KCNT1: variants seen among roughly 807,000 people sequenced by gnomAD.
The protein encoded by KCNT1 is potassium channel subfamily T member 1.
Under a neutral mutation model 147.8 loss-of-function variants are expected in KCNT1, and 78 were observed. The observed-to-expected ratio is 0.53, with a 90% CI of 0.44 to 0.64. KCNT1 has a LOEUF of 0.64. KCNT1 is among the 30% of genes least tolerant of loss of function. KCNT1 has a pLI of 0.00. For synonymous variants in KCNT1, 867 were observed against 748.8 expected (o/e 1.16, Z -2.58); for missense variants, 1,419 against 1,750.3 (o/e 0.81, Z 3.38).
chr9:135,791,615 G>A (rs1434078425), intron 29 of KCNT1, 182 bp from the exon 30 acceptor site: 3 of 594,620 alleles, frequency 5.0e-6, no homozygotes, highest in Non-Finnish European at 9.0e-6. Flanking sequence ...GTGTGGAGAT[G>A]GGACAGGTGT....
intron 17 of KCNT1, 97 bp downstream of exon 17, chr9:135,770,544 C>A: frequency 1.4e-6 from 2 of 1,467,022 alleles, no homozygotes; most frequent in Non-Finnish European, 1.8e-6. Flanking sequence ...GGCCCTGGGG[C>A]GGGGCTGCAG....
intron 2 of KCNT1, among the ~76,000 whole-genome samples, chr9:135,735,768 C>T (rs983933612): frequency 2.0e-5 from 3 of 152,138 alleles, no homozygotes; most frequent in Non-Finnish European, 4.4e-5. Flanking sequence ...TGGACAAGTC[C>T]GGAGGGCTCT....
intron 2 of KCNT1, among the ~76,000 whole-genome samples, 185 bp from the exon 3 acceptor site, chr9:135,749,913 C>T (rs1417658104): frequency 6.6e-6 from 1 of 152,072 alleles, no homozygotes; most frequent in Non-Finnish European, 1.5e-5. Context: ...CGGCTGTCTG[C>T]TGGGTGTGAC....
chr9:135,724,836 C>T (rs938926019), intron 2 of KCNT1, among the ~76,000 whole-genome samples: 6 of 152,238 alleles, frequency 3.9e-5, no homozygotes, highest in Non-Finnish European at 5.9e-5. Flanking sequence ...GAGCTTCCTC[C>T]GCCCAGGCAG....
rs74839549 is a variant in KCNT1 at position 135,732,010 on chromosome 9, A to G, written c.254+17290A>G. On this transcript the variant is annotated intron_variant, in intron 2 of 30. Transcript: ENST00000371757. The stretch of plus-strand genomic sequence containing the variant: ...TATATATAGAGAGAGAGAGAGAGAG[A>G]GAGAGAGAGAGAGAGAGAGAGAGAG... Among the ~76,000 whole-genome samples, 935 of 96,728 alleles carry G rather than the reference A, an allele frequency of 9.7e-3. 44 individuals carry two copies. The highest frequency in any genetic ancestry group is 0.015 in the African/African-American group (410 of 26,522). The allele number at this position is 96,728 out of a possible 152,430, so 63.5% of individuals were successfully genotyped here. A position where few individuals can be genotyped will look rare whatever the true frequency, so the allele number is the denominator to read the frequency against.
chr9:135,759,852 C>T lies in KCNT1; in HGVS notation c.1028C>T (p.Pro343Leu). The T allele has an allele frequency of 6.2e-7, 1 of 1,603,946 alleles. No individual in the cohort carries two copies. The highest frequency in any genetic ancestry group is 8.5e-7 in the Non-Finnish European group (1 of 1,174,590). Residue 343 changes from proline (P) to leucine (L), a missense_variant, in exon 11 of 31, where the codon CCA (proline) becomes CTA (leucine). Around this residue, in one of 5 missense-constraint regions of KCNT1, gnomAD observed 401 missense variants for 610.6 expected, o/e 0.66. Transcript: ENST00000371757. ...IMICVALVVL[P>L]LQFEELVYLW... ...ATCTGCGTGGCCCTCGTGGTGCTCCCACTGCAGGTGGGTCCTCTGGGCACC... is the reference window on the plus strand; with the variant it reads ...ATCTGCGTGGCCCTCGTGGTGCTCCTACTGCAGGTGGGTCCTCTGGGCACC...
rs376736980 is a variant in KCNT1 at position 135,741,279 on chromosome 9, A to C, written c.255-8819A>C. Among the ~76,000 whole-genome samples, 25 of 152,280 alleles carry C rather than the reference A, an allele frequency of 1.6e-4. No homozygotes were observed. The East Asian group carries it at 4.6e-3, about 28-fold the overall frequency. On this transcript the variant is annotated intron_variant, in intron 2 of 30. Transcript: ENST00000371757. Reference sequence around the variant, plus strand: ...GAGATGCAGAGGGACGCGGCCAGGGAGCACCTGGGAGAGAGGACACAGTGG... The same window carrying C: ...GAGATGCAGAGGGACGCGGCCAGGGCGCACCTGGGAGAGAGGACACAGTGG...
intron 2 of KCNT1, among the ~76,000 whole-genome samples, chr9:135,738,106 T>A (rs546713104): frequency 2.9e-4 from 44 of 152,312 alleles, no homozygotes; most frequent in African/African-American, 1.0e-3. Flanking sequence ...GATAGCAGGT[T>A]CTGCCCAGGC....
intron 10 of KCNT1, 48 bp from the exon 11 acceptor site, chr9:135,759,631 C>A (rs982877497): frequency 6.5e-7 from 1 of 1,545,348 alleles, no homozygotes. Flanking sequence ...GGGCCACGGC[C>A]CCCCAGCTCC....
intron 15 of KCNT1, 57 bp from the exon 16 acceptor site, chr9:135,769,890 G>C (rs1832626702): frequency 2.3e-6 from 3 of 1,279,350 alleles, no homozygotes; most frequent in African/African-American, 3.0e-5. Flanking sequence ...CAGGTACTGT[G>C]GGGGAGGAGA....
chr9:135,756,986 T>TCCCCCACCTC (rs1450980886), intron 7 of KCNT1, 54 bp downstream of exon 7: 1 of 824,790 alleles, frequency 1.2e-6, no homozygotes. Flanking sequence ...CTCCCCACCC[T>TCCCCCACCTC]CCCCAGCCTC....
chr9:135,792,227 T>G lies in KCNT1; in HGVS notation c.*66T>G. On this transcript the variant is annotated 3_prime_UTR_variant, in exon 31 of 31. Transcript: ENST00000371757. ...CTCAGGAAGGACGTGGAGGAGCGTGTGAGGACACGGTGGCACTAGCGTGAC... is the reference window on the plus strand; with the variant it reads ...CTCAGGAAGGACGTGGAGGAGCGTGGGAGGACACGGTGGCACTAGCGTGAC... 10 of 1,549,050 alleles carry G rather than the reference T, an allele frequency of 6.5e-6. No individual in the cohort carries two copies. The highest frequency in any genetic ancestry group is 8.7e-6 in the Non-Finnish European group (10 of 1,148,322).
rs567308188 is a variant in KCNT1 at position 135,737,994 on chromosome 9, C to T, written c.255-12104C>T. Among the ~76,000 whole-genome samples the T allele has an allele frequency of 1.1e-3, 169 of 152,262 alleles. 1 individual carries two copies. Among genetic ancestry groups the T allele is most frequent in the African/African-American group, 4.0e-3 (165 of 41,554 alleles). ...TCCCCCTCCTCTTCCTGGATGCTGG[C>T]GTGGGGGGAAGGGGGAGGGCAGTGA... is the stretch of plus-strand genomic sequence containing the variant. On this transcript the variant is annotated intron_variant, in intron 2 of 30. Transcript: ENST00000371757.
rs1180848228 is a variant in KCNT1 at position 135,750,644 on chromosome 9, C to G, written c.335-298C>G. The G allele has an allele frequency of 1.9e-5, 10 of 524,810 alleles. No homozygotes were observed. In the East Asian group the frequency reaches 2.9e-4, roughly 15 times the overall value. The allele number at this position is 524,810 out of a possible 1,614,324, so 32.5% of individuals were successfully genotyped here. A position where few individuals can be genotyped will look rare whatever the true frequency, so the allele number is the denominator to read the frequency against. ...GGTTTCCCCAGGGGCTCCACATTCA[C>G]CTGCCTGCTCCCCAATCCCTATCCT... is the stretch of plus-strand genomic sequence containing the variant. On this transcript the variant is annotated intron_variant, in intron 3 of 30. Transcript: ENST00000371757.
chr9:135,772,534 G>A (rs1033369988), intron 18 of KCNT1, among the ~76,000 whole-genome samples, 181 bp from the exon 19 acceptor site: 2 of 152,328 alleles, frequency 1.3e-5, no homozygotes, highest in African/African-American at 2.4e-5. Context: ...CACCCCAGAG[G>A]CCACTGTCCC....
At position 135,757,389 on chromosome 9, in the gene KCNT1, G is replaced by A. The variant is rs370804021; in HGVS notation, c.759+8G>A. The stretch of plus-strand genomic sequence containing the variant: ...GCGCTGGAAAACATGATTGTAAGCC[G>A]GGGCGGGGGGTGCAGCTGGGACTTG... On this transcript the variant is annotated splice_region_variant and intron_variant, in intron 9 of 30. Transcript: ENST00000371757. The A allele has an allele frequency of 1.4e-5, 22 of 1,605,586 alleles. No homozygotes were observed. Among genetic ancestry groups the A allele is most frequent in the Admixed American group, 6.7e-5 (4 of 59,998 alleles).
At chr9:135,712,965 T>C (rs1419484288) in intron 1 of KCNT1, among the ~76,000 whole-genome samples, 1 of 152,146 alleles carries the variant, frequency 6.6e-6, no homozygotes, top group African/African-American at 2.4e-5. Context: ...GGACTCCTGG[T>C]GCACTTCCTT....
chr9:135,702,451 C>T (rs1479304249), intron 1 of KCNT1, 83 bp downstream of exon 1: 4 of 1,109,290 alleles, frequency 3.6e-6, no homozygotes, highest in South Asian at 1.3e-5. Flanking sequence ...CTCCCGCACC[C>T]TCCAGGACCC....
rs1272987725 is a variant in KCNT1, at chr9:135,759,708, C to T, written c.884C>T (p.Ala295Val). ...GTCGIQHLER[A>V]GENLSLLTSF... ...TGCGGCATCCAGCACCTGGAGCGGG[C>T]GGGCGAGAACCTGTCCCTCCTGACC... is the stretch of plus-strand genomic sequence containing the variant. Residue 295 changes from alanine to valine, a missense_variant, in exon 11 of 31, where the codon GCG becomes GTG. This residue lies in a region of KCNT1 where 401 missense variants were observed against 610.6 expected (regional missense o/e 0.66). Coordinates refer to ENST00000371757, the MANE Select transcript of KCNT1 (RefSeq NM_020822.3). The T allele has an allele frequency of 2.5e-6, 4 of 1,611,454 alleles. No individual in the cohort carries two copies. Among genetic ancestry groups the T allele is most frequent in the Non-Finnish European group, 2.5e-6 (3 of 1,178,666 alleles).
Sources: gnomAD v4.1 joint callset for allele counts (sites outside exome capture counted in the v4.1 genomes callset) on GRCh38, gnomAD v4.1.1 for gene constraint, gnomAD v4.1.1 regional missense constraint, MANE v1.5 for transcripts, NCBI Gene and HGNC (gene_info 2026-07-23, HGNC 2026-07-21) for gene names.